Variants in GMDS observed in about 807,000 individuals in gnomAD.
GMDS encodes the protein GDP-mannose 4,6-dehydratase.
In GMDS, 20 loss-of-function variants were observed where a neutral mutation model predicts 49.9. The ratio of observed to expected loss-of-function variants is 0.40; its 90% CI spans 0.28 to 0.58. The LOEUF is 0.58. Ranked by LOEUF, GMDS falls within the 20% of genes least tolerant of loss-of-function variation. The pLI is 0.42. For missense variants in GMDS, 362 were observed against 481.4 expected (o/e 0.75, Z 2.32); for synonymous variants, 177 against 178.6 (o/e 0.99, Z 0.07).
intron 6 of GMDS, among the ~76,000 whole-genome samples, chr6:1,935,084 T>C (rs149573595): frequency 6.6e-6 from 1 of 152,224 alleles, no homozygotes; most frequent in Non-Finnish European, 1.5e-5. Context: ...CTTAAATACA[T>C]ACTTGATTTA....
chr6:1,868,826 T>C (rs1377773637), intron 7 of GMDS, among the ~76,000 whole-genome samples: 3 of 152,238 alleles, frequency 2.0e-5, no homozygotes, highest in East Asian at 1.9e-4. Context: ...CTTAGAATCT[T>C]ATAAGGCATT....
At chr6:1,782,964 G>A (rs1257958179) in intron 7 of GMDS, among the ~76,000 whole-genome samples, 1 of 151,976 alleles carries the variant, frequency 6.6e-6, no homozygotes, top group Non-Finnish European at 1.5e-5. Flanking sequence ...GACCAGCCTG[G>A]GCAACATAGT....
At chr6:2,218,075 GC>G (rs1780419371) in intron 1 of GMDS, among the ~76,000 whole-genome samples, 3 of 152,156 alleles carry the variant, frequency 2.0e-5, no homozygotes, top group African/African-American at 7.2e-5. Context: ...GTACCCCTAA[GC>G]CCCAAAACGC....
chr6:2,151,394 AATT>A (rs1776836681), intron 1 of GMDS, among the ~76,000 whole-genome samples: 1 of 152,242 alleles, frequency 6.6e-6, no homozygotes, highest in Non-Finnish European at 1.5e-5. Context: ...TTGTAAAAAT[AATT>A]ATCTCATGTA....
intron 4 of GMDS, among the ~76,000 whole-genome samples, chr6:2,005,015 T>C (rs186325475): frequency 1.3e-5 from 2 of 152,298 alleles, no homozygotes; most frequent in East Asian, 1.9e-4. Flanking sequence ...AGACAGTTTA[T>C]AGGTAAGTCA....
chr6:2,243,449 C>T (rs1248393044), intron 1 of GMDS, among the ~76,000 whole-genome samples: 3 of 152,098 alleles, frequency 2.0e-5, no homozygotes, highest in East Asian at 1.9e-4. Flanking sequence ...AACTAATTTC[C>T]GGACAATACT....
At chr6:1,752,867 C>G (rs559109852) in intron 7 of GMDS, among the ~76,000 whole-genome samples, 1 of 152,278 alleles carries the variant, frequency 6.6e-6, no homozygotes, top group East Asian at 1.9e-4. Flanking sequence ...GCCTGCCTTA[C>G]AAGAGCTCCT....
At chr6:1,721,587 T>C (rs2113424360) in intron 9 of GMDS, among the ~76,000 whole-genome samples, 1 of 152,152 alleles carries the variant, frequency 6.6e-6, no homozygotes, top group South Asian at 2.1e-4. Context: ...CCCAAGATGC[T>C]CTGCAGAAAA....
At chr6:2,211,087 A>G (rs1271424438) in intron 1 of GMDS, among the ~76,000 whole-genome samples, 1 of 152,128 alleles carries the variant, frequency 6.6e-6, no homozygotes, top group Non-Finnish European at 1.5e-5. Flanking sequence ...AGCCTGCATA[A>G]CTGTGAGTCA....
intron 7 of GMDS, among the ~76,000 whole-genome samples, chr6:1,839,249 C>T (rs1372341529): frequency 6.6e-6 from 1 of 152,182 alleles, no homozygotes; most frequent in East Asian, 1.9e-4. Context: ...CCAGGGGACC[C>T]AGATCTATAT....
chr6:2,053,880 C>G (rs1447750044), intron 4 of GMDS, among the ~76,000 whole-genome samples: 1 of 152,060 alleles, frequency 6.6e-6, no homozygotes, highest in African/African-American at 2.4e-5. Flanking sequence ...GGGCAATTCT[C>G]TAGGCAAATT....
At chr6:2,238,503 T>A (rs774862974) in intron 1 of GMDS, among the ~76,000 whole-genome samples, 2 of 152,216 alleles carry the variant, frequency 1.3e-5, no homozygotes, top group Non-Finnish European at 2.9e-5. Flanking sequence ...ACTTTTACTA[T>A]TCTCATTCAT....
chr6:1,745,100 G>A (rs987940454), intron 7 of GMDS, among the ~76,000 whole-genome samples: 11 of 152,180 alleles, frequency 7.2e-5, no homozygotes, highest in Admixed American at 3.3e-4. Context: ...GTTCTTCTGC[G>A]GGATTAGATG....
intron 7 of GMDS, among the ~76,000 whole-genome samples, chr6:1,835,113 C>T (rs551173876): frequency 6.6e-6 from 1 of 151,966 alleles, no homozygotes; most frequent in Non-Finnish European, 1.5e-5. Context: ...AGTGCTAACA[C>T]GGGGCAAATA....
Position 1,706,582 on chromosome 6 carries a change from G to A in GMDS, c.987+19834C>T, listed in dbSNP as rs1765744782. On this transcript the variant is annotated intron_variant, in intron 9 of 10. Coordinates refer to ENST00000380815, the MANE Select transcript of GMDS (RefSeq NM_001500.4). ...GAACATTTGGAAAACACAAACCAGC[G>A]GAGGAGAACCCCTCGCAGGCCCATC... Among the ~76,000 whole-genome samples, 4 of 152,270 alleles carry A rather than the reference G, an allele frequency of 2.6e-5. No individual in the cohort carries two copies. The Middle Eastern group carries it at 0.01, about 388-fold the overall frequency.
chr6:1,795,977 A>G (rs775811003), intron 7 of GMDS, among the ~76,000 whole-genome samples: 3 of 152,216 alleles, frequency 2.0e-5, no homozygotes, highest in African/African-American at 2.4e-5. Context: ...TCTTCTCTCT[A>G]CAAACTCCAC....
chr6:1,751,153 G>C (rs779400920), intron 7 of GMDS, among the ~76,000 whole-genome samples: 1 of 152,216 alleles, frequency 6.6e-6, no homozygotes, highest in Non-Finnish European at 1.5e-5. Flanking sequence ...AGCTTCAGCA[G>C]ACTTAAACGT....
intron 1 of GMDS, among the ~76,000 whole-genome samples, chr6:2,217,489 T>C (rs1001392733): frequency 5.3e-5 from 8 of 152,334 alleles, no homozygotes; most frequent in African/African-American, 1.4e-4. Flanking sequence ...GAGAAACACA[T>C]ATAATCTCAT....
At chr6:1,923,353 G>A (rs1761824037) in intron 7 of GMDS, among the ~76,000 whole-genome samples, 1 of 152,188 alleles carries the variant, frequency 6.6e-6, no homozygotes, top group African/African-American at 2.4e-5. Flanking sequence ...TGCTCCACGT[G>A]ACGAGGCAAA....
Sources: allele counts gnomAD v4.1 joint callset (sites outside exome capture counted in the v4.1 genomes callset), GRCh38; gene constraint gnomAD v4.1.1; transcripts MANE v1.5; gene names NCBI Gene and HGNC (gene_info 2026-07-23, HGNC 2026-07-21).